PPP1R16B: variants seen among roughly 807,000 people sequenced by gnomAD.
PPP1R16B encodes protein phosphatase 1 regulatory subunit 16B.
Under a neutral mutation model 61.7 loss-of-function variants are expected in PPP1R16B, and 14 were observed. The observed-to-expected ratio is 0.23, with a 90% CI of 0.15 to 0.35. The LOEUF is 0.35. Ranked by LOEUF, PPP1R16B falls within the 10% of genes least tolerant of loss-of-function variation. The probability of loss-of-function intolerance (pLI) is 1.00; values close to 1 mark genes in which losing one functional copy is unlikely to be tolerated. For missense variants in PPP1R16B, 547 were observed against 752.5 expected (o/e 0.73, Z 3.19); for synonymous variants, 266 against 305.3 (o/e 0.87, Z 1.34).
chr20:38,900,400 T>C (rs6028191), intron 4 of PPP1R16B, among the ~76,000 whole-genome samples, 181 bp from the exon 5 acceptor site: 36,650 of 152,112 alleles, frequency 0.24, 4,915 homozygotes, highest in African/African-American at 0.35. Context: ...ATCCTGAAGC[T>C]GTCGTGCTCT....
chr20:38,822,201 G>T (rs1217565726), intron 1 of PPP1R16B, among the ~76,000 whole-genome samples: 2 of 151,876 alleles, frequency 1.3e-5, no homozygotes, highest in Non-Finnish European at 2.9e-5. Context: ...ACATCATTCA[G>T]TGAGATTTGG....
intron 2 of PPP1R16B, among the ~76,000 whole-genome samples, chr20:38,879,278 G>C (rs1476055869): frequency 6.6e-6 from 1 of 152,182 alleles, no homozygotes; most frequent in Non-Finnish European, 1.5e-5. Context: ...GGGAGAAGAA[G>C]AGAGAGGGAA....
intron 1 of PPP1R16B, among the ~76,000 whole-genome samples, chr20:38,815,452 C>A (rs1046107341): frequency 6.6e-6 from 1 of 152,168 alleles, no homozygotes; most frequent in African/African-American, 2.4e-5. Flanking sequence ...TTTCCTCCTA[C>A]AAATGTATAA....
At chr20:38,906,296 T>TTTG (rs2085442610) in intron 7 of PPP1R16B, among the ~76,000 whole-genome samples, 1 of 126,050 alleles carries the variant, frequency 7.9e-6, no homozygotes, top group African/African-American at 2.9e-5. Context: ...TTTTTTTTTT[T>TTTG]TTTTTTTTTT....
At chr20:38,852,768 T>TTTTTTG (rs1601257219) in intron 2 of PPP1R16B, among the ~76,000 whole-genome samples, 1 of 62,336 alleles carries the variant, frequency 1.6e-5, no homozygotes. Context: ...TTTTTTTTTT[T>TTTTTTG]GCGGGGGGTG....
At position 38,836,120 on chromosome 20, in the gene PPP1R16B, C is replaced by A; in HGVS notation, c.195C>A (p.Ser65=). 1 of 1,612,556 alleles carries A rather than the reference C, an allele frequency of 6.2e-7. No homozygotes were observed. Among genetic ancestry groups the A allele is most frequent in the South Asian group, 1.1e-5 (1 of 91,068 alleles). The change falls in exon 2 of 11, where the codon TCC becomes TCA. Residue 65 remains serine (S), a synonymous_variant. Transcript: ENST00000299824. ...CGGGCGGCCGCCGCAAGAAAGTGTC[C>A]TTCGAGGCCAGCGTGGCCCTGCTGG... ...RSTGGRRKKV[S]FEASVALLEA...
chr20:38,889,813 T>C (rs2085278966), intron 3 of PPP1R16B, 148 bp downstream of exon 3: 2 of 837,590 alleles, frequency 2.4e-6, no homozygotes, highest in African/African-American at 3.3e-5. Flanking sequence ...TGAAAGGCTC[T>C]TGTCTACTTT....
intron 1 of PPP1R16B, among the ~76,000 whole-genome samples, chr20:38,807,679 G>A (rs560622310): frequency 4.5e-4 from 69 of 152,218 alleles, no homozygotes; most frequent in Non-Finnish European, 6.5e-4. Flanking sequence ...GAGTCCCCAG[G>A]ATGCTGGGGG....
chr20:38,819,238 A>G (rs920834810), intron 1 of PPP1R16B, among the ~76,000 whole-genome samples: 1 of 152,220 alleles, frequency 6.6e-6, no homozygotes, highest in Non-Finnish European at 1.5e-5. Context: ...AGGGATTAAT[A>G]GTACTTTTCT....
chr20:38,820,333 C>A (rs1281778784), intron 1 of PPP1R16B, among the ~76,000 whole-genome samples: 2 of 152,044 alleles, frequency 1.3e-5, no homozygotes, highest in African/African-American at 2.4e-5. Flanking sequence ...CCGAGGCGAG[C>A]GGATCACCTC....
At chr20:38,899,791 C>G (rs907851185) in intron 4 of PPP1R16B, among the ~76,000 whole-genome samples, 6 of 151,752 alleles carry the variant, frequency 4.0e-5, no homozygotes, top group Non-Finnish European at 7.4e-5. Flanking sequence ...CCGAACCTGT[C>G]TGAGTCTTTT....
In PPP1R16B at chr20:38,806,520, G is replaced by A. The variant is rs2084662738; in HGVS notation, c.-102+728G>A. Among the ~76,000 whole-genome samples the A allele has an allele frequency of 1.3e-5, 2 of 152,060 alleles. No individual in the cohort carries two copies. The highest frequency in any genetic ancestry group is 4.1e-4 in the South Asian group (2 of 4,828). On this transcript the variant is annotated intron_variant, in intron 1 of 10. Transcript: ENST00000299824. This position sits in a 1 kb window ranked among gnomAD's most constrained non-coding sequence, Gnocchi z 4.5. The stretch of plus-strand genomic sequence containing the variant: ...TGGGCGACTCCGGCTCATCGATTCC[G>A]GCCCAGAGGAGCGCCCCCGGGCGCC...
intron 2 of PPP1R16B, among the ~76,000 whole-genome samples, chr20:38,841,063 C>T (rs1409825457): frequency 1.3e-5 from 2 of 152,052 alleles, no homozygotes; most frequent in African/African-American, 4.8e-5. Flanking sequence ...TATGTTATCT[C>T]GGTTAATCTT....
chr20:38,871,227 G>A (rs1001232452), intron 2 of PPP1R16B, among the ~76,000 whole-genome samples: 2 of 152,086 alleles, frequency 1.3e-5, no homozygotes, highest in Non-Finnish European at 2.9e-5. Context: ...GTACCTGAGC[G>A]CACATGAACC....
At chr20:38,859,287 G>T (rs1320783618) in intron 2 of PPP1R16B, among the ~76,000 whole-genome samples, 1 of 151,940 alleles carries the variant, frequency 6.6e-6, no homozygotes, top group African/African-American at 2.4e-5. Flanking sequence ...CTGCTAGTGC[G>T]GGTTCCTTTT....
At chr20:38,848,527 A>G (rs2084948845) in intron 2 of PPP1R16B, among the ~76,000 whole-genome samples, 1 of 152,166 alleles carries the variant, frequency 6.6e-6, no homozygotes, top group African/African-American at 2.4e-5. Flanking sequence ...GTGATAAAAC[A>G]AGTTTTTCCT....
At chr20:38,820,229 A>G (rs994881662) in intron 1 of PPP1R16B, among the ~76,000 whole-genome samples, 2 of 152,228 alleles carry the variant, frequency 1.3e-5, no homozygotes, top group African/African-American at 4.8e-5. Context: ...AAATAGTGCA[A>G]TTAACATTCT....
intron 10 of PPP1R16B, among the ~76,000 whole-genome samples, chr20:38,915,712 A>G (rs1243116940): frequency 2.0e-5 from 3 of 151,726 alleles, no homozygotes; most frequent in African/African-American, 7.3e-5. Context: ...CCGGTCTCGA[A>G]CTCCTGACCT....
chr20:38,838,172 G>A (rs755368126), intron 2 of PPP1R16B: 1 of 152,250 alleles, frequency 6.6e-6, no homozygotes, highest in Non-Finnish European at 1.5e-5. Context: ...GTTCAGAGGC[G>A]GTCTCGCCTG....
Sources: gnomAD v4.1 joint callset for allele counts (sites outside exome capture counted in the v4.1 genomes callset) on GRCh38, gnomAD v4.1.1 for gene constraint, Gnocchi (gnomAD v3.1) non-coding constraint, MANE v1.5 for transcripts, NCBI Gene and HGNC (gene_info 2026-07-23, HGNC 2026-07-21) for gene names.